RBFOX1: variants seen among roughly 807,000 people sequenced by gnomAD.
The protein encoded by RBFOX1 is RNA binding protein fox-1 homolog 1.
A neutral mutation model predicts 57.7 loss-of-function variants in RBFOX1; 8 were observed. The observed-to-expected ratio is 0.14, with a 90% CI of 0.08 to 0.25. The LOEUF (loss-of-function observed/expected upper bound fraction) is 0.25. Among genes scored for constraint, RBFOX1 ranks in the 10% least tolerant of loss-of-function variants. The pLI, the probability that RBFOX1 is intolerant of heterozygous loss-of-function variation, is 1.00. For missense variants in RBFOX1, 611 were observed against 548.5 expected (o/e 1.11, Z -1.14); for synonymous variants, 326 against 222.4 (o/e 1.47, Z -4.15).
intron 1 of RBFOX1, among the ~76,000 whole-genome samples, chr16:5,358,752 G>C (rs929185757): frequency 1.3e-5 from 2 of 152,156 alleles, no homozygotes; most frequent in African/African-American, 4.8e-5. Context: ...GCTTGAACCT[G>C]GGAGGCAAAG....
At chr16:6,938,388 G>T (rs114299009) in intron 3 of RBFOX1, among the ~76,000 whole-genome samples, 74 of 152,236 alleles carry the variant, frequency 4.9e-4, no homozygotes, top group African/African-American at 1.7e-3. Flanking sequence ...AGCATTACCT[G>T]GAAAATAGTA....
chr16:5,240,457 C>G (rs2062137124), intron 1 of RBFOX1, among the ~76,000 whole-genome samples: 1 of 152,068 alleles, frequency 6.6e-6, no homozygotes, highest in African/African-American at 2.4e-5. Flanking sequence ...CTGTCTGGGA[C>G]TTTTGTCGGT....
chr16:5,410,103 C>A (rs1022581952), intron 1 of RBFOX1, among the ~76,000 whole-genome samples: 3 of 151,294 alleles, frequency 2.0e-5, no homozygotes, highest in Admixed American at 6.6e-5. Context: ...GTGGCTCATG[C>A]CTGTAATGCC....
In RBFOX1 at chr16:7,029,793, A is replaced by G. The variant is rs1046006333; in HGVS notation, c.-15-22264A>G. 4.6e-5 allele frequency among the ~76,000 whole-genome samples: 7 copies of G among 152,328 alleles called. No homozygotes were observed. In the East Asian group the frequency reaches 9.7e-4, roughly 21 times the overall value. On this transcript the variant is annotated intron_variant, in intron 3 of 15. Coordinates refer to ENST00000550418, the MANE Select transcript of RBFOX1 (RefSeq NM_018723.4). Reference sequence around the variant, plus strand: ...AAGTCCCATGTGATCTGATCTTCACATGAATCTGGACATTATGAAAAGCAT... The same window carrying G: ...AAGTCCCATGTGATCTGATCTTCACGTGAATCTGGACATTATGAAAAGCAT...
chr16:6,648,844 A>T (rs986613447), intron 2 of RBFOX1, among the ~76,000 whole-genome samples: 2 of 152,176 alleles, frequency 1.3e-5, no homozygotes, highest in African/African-American at 4.8e-5. Flanking sequence ...ATGTAAACTG[A>T]CAAAAGTTAT....
Position 6,913,595 on chromosome 16 carries a change from C to T in RBFOX1, c.-15-138462C>T, listed in dbSNP as rs375527177. On this transcript the variant is annotated intron_variant, in intron 3 of 15. Transcript: ENST00000550418. ...AGAAGTTATAAGTCGGTAGCATCCCCAAGCTTTTCCCAGAGCAACTCAAGC... is the reference window on the plus strand; with the variant it reads ...AGAAGTTATAAGTCGGTAGCATCCCTAAGCTTTTCCCAGAGCAACTCAAGC... 1.3e-4 allele frequency among the ~76,000 whole-genome samples: 20 copies of T among 152,224 alleles called. No homozygotes were observed. In the South Asian group the frequency reaches 3.5e-3, roughly 27 times the overall value.
rs766218338 is a variant in RBFOX1, at chr16:7,709,600, C to A, written c.1071+469C>A. Reference sequence around the variant, plus strand: ...TCTGACTGCCTCTCCTCCCCTATTACAATTCATGTTTAAAGTCATAGTCGC... The same window carrying A: ...TCTGACTGCCTCTCCTCCCCTATTAAAATTCATGTTTAAAGTCATAGTCGC... On this transcript the variant is annotated intron_variant, in intron 15 of 15. Coordinates refer to ENST00000550418, the MANE Select transcript of RBFOX1 (RefSeq NM_018723.4). 4.3e-5 allele frequency: 66 copies of A among 1,531,226 alleles called. No homozygotes were observed. The African/African-American group carries it at 8.6e-4, about 20-fold the overall frequency. 94.9% of individuals were successfully genotyped at this position (1,531,226 alleles called of 1,614,324 possible).
chr16:7,181,236 G>T (rs770379363), intron 4 of RBFOX1, among the ~76,000 whole-genome samples: 1 of 152,112 alleles, frequency 6.6e-6, no homozygotes, highest in Non-Finnish European at 1.5e-5. Context: ...AAACTGCTAT[G>T]CCCCGATGAG....
chr16:7,231,498 A>G (rs2093490394), intron 4 of RBFOX1, among the ~76,000 whole-genome samples: 1 of 152,184 alleles, frequency 6.6e-6, no homozygotes, highest in African/African-American at 2.4e-5. Context: ...GAAGTTAAGC[A>G]TAGAATTACC....
At chr16:5,825,715 T>A (rs950570303) in intron 3 of RBFOX1, among the ~76,000 whole-genome samples, 2 of 152,022 alleles carry the variant, frequency 1.3e-5, no homozygotes, top group African/African-American at 4.8e-5. Context: ...TATTAAGCAA[T>A]CACTCCCTGT....
intron 4 of RBFOX1, among the ~76,000 whole-genome samples, chr16:7,309,144 C>G (rs2096256540): frequency 1.3e-5 from 2 of 152,190 alleles, no homozygotes; most frequent in African/African-American, 4.8e-5. Flanking sequence ...GTCCCTCAGT[C>G]TCTTTCTAGA....
intron 4 of RBFOX1, among the ~76,000 whole-genome samples, chr16:7,466,353 A>T (rs1215507074): frequency 1.3e-5 from 2 of 152,132 alleles, no homozygotes; most frequent in African/African-American, 4.8e-5. Context: ...ATTTCATGCC[A>T]AGCTAGCGCT....
intron 1 of RBFOX1, among the ~76,000 whole-genome samples, chr16:5,309,427 T>A (rs2064023150): frequency 6.6e-6 from 1 of 152,226 alleles, no homozygotes; most frequent in Admixed American, 6.5e-5. Flanking sequence ...ACACCAAAGT[T>A]GATTGATCCT....
At chr16:7,655,491 C>T (rs1465574908) in intron 12 of RBFOX1, among the ~76,000 whole-genome samples, 3 of 152,194 alleles carry the variant, frequency 2.0e-5, no homozygotes, top group Admixed American at 2.0e-4. Flanking sequence ...TTTTATGTGA[C>T]CATGCAATAT....
At chr16:6,986,086 T>G (rs1424985573) in intron 3 of RBFOX1, among the ~76,000 whole-genome samples, 1 of 151,568 alleles carries the variant, frequency 6.6e-6, no homozygotes, top group Admixed American at 6.6e-5. Flanking sequence ...ATGTGCAATA[T>G]TTTTTCAACT....
At chr16:7,339,402 G>T (rs886345091) in intron 4 of RBFOX1, among the ~76,000 whole-genome samples, 7 of 152,126 alleles carry the variant, frequency 4.6e-5, no homozygotes, top group African/African-American at 1.7e-4. Context: ...TGTTTATTCT[G>T]TATTATTCTG....
intron 5 of RBFOX1, among the ~76,000 whole-genome samples, chr16:7,537,451 C>T (rs1057235800): frequency 1.3e-5 from 2 of 152,252 alleles, no homozygotes; most frequent in East Asian, 1.9e-4. Flanking sequence ...TCAGTGTGTT[C>T]CCTGAGGTCA....
chr16:5,374,894 C>G (rs1368091566), intron 1 of RBFOX1, among the ~76,000 whole-genome samples: 1 of 151,720 alleles, frequency 6.6e-6, no homozygotes, highest in Non-Finnish European at 1.5e-5. Flanking sequence ...ATAATATACT[C>G]AGTTTTGCTA....
rs1419175284 is a variant in RBFOX1, at chr16:6,931,337, C to CTATCTCTG, written c.-15-120719_-15-120718insATCTCTGT. Among the ~76,000 whole-genome samples the CTATCTCTG allele has an allele frequency of 2.8e-3, 313 of 110,260 alleles. 1 individual carries two copies. The highest frequency in any genetic ancestry group is 5.2e-3 in the Non-Finnish European group (260 of 49,774). 72.3% of individuals were successfully genotyped at this position (110,260 alleles called of 152,430 possible). A position where few individuals can be genotyped will look rare whatever the true frequency, so the allele number is the denominator to read the frequency against. ...TCTATCTATCTATCTATCTATCTAT[C>CTATCTCTG]TCTACACACACACACACACACACAC... On this transcript the variant is annotated intron_variant, in intron 3 of 15. Coordinates refer to ENST00000550418, the MANE Select transcript of RBFOX1 (RefSeq NM_018723.4).
Sources: allele counts gnomAD v4.1 joint callset (sites outside exome capture counted in the v4.1 genomes callset), GRCh38; gene constraint gnomAD v4.1.1; transcripts MANE v1.5; gene names NCBI Gene and HGNC (gene_info 2026-07-23, HGNC 2026-07-21).